GRAMD4: variants seen among roughly 807,000 people sequenced by gnomAD.
GRAMD4 encodes GRAM domain containing 4.
GRAMD4 carries 25 observed loss-of-function variants against 83.9 expected under a neutral mutation model. That is an observed-to-expected ratio of 0.30 (90% CI 0.22 to 0.42). GRAMD4 has a LOEUF of 0.42. GRAMD4 is among the 10% of genes least tolerant of loss of function. The pLI is 1.00. For missense variants in GRAMD4, 593 were observed against 788.7 expected (o/e 0.75, Z 2.97); for synonymous variants, 336 against 320.9 (o/e 1.05, Z -0.50).
chr22:46,603,671 C>T (rs189172403), intron 1 of GRAMD4, among the ~76,000 whole-genome samples: 4 of 151,566 alleles, frequency 2.6e-5, no homozygotes, highest in East Asian at 1.9e-4. Context: ...CGCCCACCAC[C>T]ACGCCTGGCT....
rs768159196 is a variant in GRAMD4, at chr22:46,668,905, G to T, written c.1081G>T (p.Val361Leu). 5 of 1,590,138 alleles carry T rather than the reference G, an allele frequency of 3.1e-6. No individual in the cohort carries two copies. The highest frequency in any genetic ancestry group is 4.3e-6 in the Non-Finnish European group (5 of 1,160,346). ...CCCCTACCGCCTGGTGGGGCTTGCC[G>T]TGGGTAAGTAGATGCACCTGCGGCC... is the stretch of plus-strand genomic sequence containing the variant. ...FFPYRLVGLAVGLYAGIKFFL... is the reference protein window; with the variant it reads ...FFPYRLVGLALGLYAGIKFFL... The change falls in exon 13 of 19, where the codon GTG becomes TTG. Residue 361 changes from valine to leucine, a missense_variant. Physicochemically the swap from Val to Leu is conservative, Grantham distance 32. Transcript: ENST00000406902.
Position 46,678,838 on chromosome 22 carries a change from G to T in GRAMD4, c.*1587G>T. On this transcript the variant is annotated 3_prime_UTR_variant, in exon 19 of 19. Coordinates refer to ENST00000406902, the MANE Select transcript of GRAMD4 (RefSeq NM_015124.5). Reference sequence around the variant, plus strand: ...GCTGGTGCCGGGGGTGCTTTGGGGGGAGCTGCGCCGATCACCAGATTAAGC... The same window carrying T: ...GCTGGTGCCGGGGGTGCTTTGGGGGTAGCTGCGCCGATCACCAGATTAAGC... 1.0e-6 allele frequency: 1 copy of T among 986,152 alleles called. No individual in the cohort carries two copies. Among genetic ancestry groups the T allele is most frequent in the Non-Finnish European group, 1.2e-6 (1 of 830,082 alleles). 61.1% of individuals were successfully genotyped at this position (986,152 alleles called of 1,614,324 possible).
At chr22:46,657,589 T>C (rs1040611367) in intron 3 of GRAMD4, among the ~76,000 whole-genome samples, 3 of 152,176 alleles carry the variant, frequency 2.0e-5, no homozygotes, top group Non-Finnish European at 4.4e-5. Context: ...TTTCCCAGGG[T>C]CTGTGGCCTC....
At chr22:46,676,086 C>T (rs903489985) in intron 17 of GRAMD4, among the ~76,000 whole-genome samples, 2 of 152,354 alleles carry the variant, frequency 1.3e-5, no homozygotes, top group Admixed American at 6.5e-5. Context: ...CCCCAGCTCC[C>T]TCCCAGCTCC....
At chr22:46,660,193 A>G (rs1162465361) in intron 4 of GRAMD4, among the ~76,000 whole-genome samples, 1 of 152,202 alleles carries the variant, frequency 6.6e-6, no homozygotes, top group Non-Finnish European at 1.5e-5. Context: ...CATCTCGCAC[A>G]GTCTCTGCCT....
At chr22:46,665,045 GCT>G (rs1176618392) in intron 8 of GRAMD4, among the ~76,000 whole-genome samples, 1 of 152,236 alleles carries the variant, frequency 6.6e-6, no homozygotes, top group Admixed American at 6.5e-5. Flanking sequence ...CCTCACAAAT[GCT>G]TTGCGACAGG....
In GRAMD4 at chr22:46,590,646, G is replaced by A. The variant is rs371753712; in HGVS notation, c.-50+13356G>A. Among the ~76,000 whole-genome samples the A allele has an allele frequency of 1.3e-3, 205 of 152,350 alleles. 1 individual carries two copies. The highest frequency in any genetic ancestry group is 3.7e-3 in the African/African-American group (155 of 41,586). On this transcript the variant is annotated intron_variant, in intron 1 of 1. Transcript: ENST00000431155. ...GGTGAGTGTCAACAGGGGAGGGAGA[G>A]AGCAGCAGAGGTCCCGCCAGGGCGT...
chr22:46,580,087 G>GC (rs2081082984), intron 1 of GRAMD4, among the ~76,000 whole-genome samples: 1 of 152,212 alleles, frequency 6.6e-6, no homozygotes, highest in South Asian at 2.1e-4. Context: ...TCTGCAGAAA[G>GC]CCCGGGGCAG....
intron 1 of GRAMD4, chr22:46,587,797 C>T: frequency 3.5e-6 from 2 of 575,558 alleles, no homozygotes; most frequent in Non-Finnish European, 4.4e-6. Context: ...GGAGCCTGAC[C>T]TGCCTAACAG....
rs537109671 is a variant in GRAMD4, at chr22:46,632,205, C to G, written c.162+5244C>G. On this transcript the variant is annotated intron_variant, in intron 2 of 18. Coordinates refer to ENST00000406902, the MANE Select transcript of GRAMD4 (RefSeq NM_015124.5). Reference sequence around the variant, plus strand: ...GGCTTGAGGGGCCCACGAGGCTGGGCTGGGAAGGGGAGGTAAAGGTGGAAG... The same window carrying G: ...GGCTTGAGGGGCCCACGAGGCTGGGGTGGGAAGGGGAGGTAAAGGTGGAAG... Among the ~76,000 whole-genome samples the G allele has an allele frequency of 3.9e-5, 6 of 152,182 alleles. No individual in the cohort carries two copies. In the East Asian group the frequency reaches 9.7e-4, roughly 25 times the overall value.
At chr22:46,577,098 C>T (rs1430461121), upstream of GRAMD4, 19 of 156,784 alleles carry the variant, frequency 1.2e-4, no homozygotes, top group South Asian at 3.8e-3. Context: ...AGACTCCGCG[C>T]AGCGGGACGC....
intron 2 of GRAMD4, among the ~76,000 whole-genome samples, chr22:46,628,536 AGGGGCAGGTGGACTGAGTGTGTGCG>A (rs2081711046): frequency 1.8e-5 from 1 of 54,594 alleles, no homozygotes; most frequent in Admixed American, 2.6e-4. Context: ...GTGGTGTCTG[AGGGGCAGGTGGACTGAGTGTGTGCG>A]TGGTGTCTGA....
intron 1 of GRAMD4, among the ~76,000 whole-genome samples, chr22:46,592,993 AC>A (rs1451566610): frequency 6.6e-6 from 1 of 152,182 alleles, no homozygotes; most frequent in African/African-American, 2.4e-5. Context: ...CACCAACATA[AC>A]CTAAATTAGA....
chr22:46,650,347 G>A (rs1177609274), intron 3 of GRAMD4, among the ~76,000 whole-genome samples: 1 of 149,912 alleles, frequency 6.7e-6, no homozygotes, highest in African/African-American at 2.4e-5. Context: ...TCGAGGCTGG[G>A]TGGAGGGCTG....
At chr22:46,579,270 C>T (rs1222009256) in intron 1 of GRAMD4, among the ~76,000 whole-genome samples, 1 of 152,206 alleles carries the variant, frequency 6.6e-6, no homozygotes, top group Non-Finnish European at 1.5e-5. Context: ...GTACCCTCCT[C>T]TTATCTGTGG....
chr22:46,586,121 C>T (rs9616063), intron 1 of GRAMD4, among the ~76,000 whole-genome samples: 1 of 151,806 alleles, frequency 6.6e-6, no homozygotes, highest in Non-Finnish European at 1.5e-5. Context: ...ACCTAGAGCA[C>T]AGCCCGGGGA....
intron 1 of GRAMD4, among the ~76,000 whole-genome samples, chr22:46,597,184 GC>G (rs888548674): frequency 2.6e-4 from 39 of 152,248 alleles, no homozygotes; most frequent in African/African-American, 7.7e-4. Context: ...CCAGGTGTAG[GC>G]CCTGGAGGTG....
intron 3 of GRAMD4, among the ~76,000 whole-genome samples, chr22:46,657,643 G>A (rs893143067): frequency 2.0e-5 from 3 of 152,174 alleles, no homozygotes; most frequent in African/African-American, 4.8e-5. Flanking sequence ...ACCTTCTCCC[G>A]AGGCTTTCCC....
intron 1 of GRAMD4, among the ~76,000 whole-genome samples, chr22:46,583,070 A>C (rs912277046): frequency 6.6e-6 from 1 of 152,146 alleles, no homozygotes; most frequent in Non-Finnish European, 1.5e-5. Flanking sequence ...GGTGACAGAC[A>C]TGCACCACCA....
Sources: allele counts gnomAD v4.1 joint callset (sites outside exome capture counted in the v4.1 genomes callset), GRCh38; gene constraint gnomAD v4.1.1; transcripts MANE v1.5; gene names NCBI Gene and HGNC (gene_info 2026-07-23, HGNC 2026-07-21).